The following PCDH11Y variants were observed in gnomAD, a reference collection of about 807,000 sequenced individuals.
PCDH11Y encodes the protein protocadherin 11 Y-linked.
For missense variants in PCDH11Y, 12 were observed against 224.8 expected, an observed-to-expected ratio of 0.05 and a Z score of 6.05; for synonymous variants, 9 against 83.6, an observed-to-expected ratio of 0.11 and a Z score of 4.87.
chrY:5,254,300 C>A (rs1298245720), intron 2 of PCDH11Y, among the ~76,000 whole-genome samples: 1 of 33,306 alleles, frequency 3.0e-5, no homozygotes, highest in African/African-American at 1.2e-4. Flanking sequence ...CAAAATATTT[C>A]TAAAAATAAA....
chrY:5,111,397 CA>C (rs2052802495), intron 2 of PCDH11Y, among the ~76,000 whole-genome samples: 1 of 33,962 alleles, frequency 2.9e-5, no homozygotes, highest in African/African-American at 1.2e-4. Flanking sequence ...CGCACCTGGC[CA>C]AATAATTAGT....
At chrY:5,571,054 C>T in intron 3 of PCDH11Y, among the ~76,000 whole-genome samples, 1 of 31,237 alleles carries the variant, frequency 3.2e-5, no homozygotes, top group Admixed American at 3.0e-4. Flanking sequence ...ACTATACTTT[C>T]GTTTCAATTA....
At chrY:5,111,798 A>G in intron 2 of PCDH11Y, among the ~76,000 whole-genome samples, 1 of 34,558 alleles carries the variant, frequency 2.9e-5, no homozygotes, top group Non-Finnish European at 7.3e-5. Flanking sequence ...AATTAAAGAA[A>G]TGAGAGGGAA....
intron 2 of PCDH11Y, among the ~76,000 whole-genome samples, chrY:5,237,082 CA>C (rs2052976282): frequency 3.0e-5 from 1 of 33,049 alleles, no homozygotes; most frequent in African/African-American, 1.2e-4. Flanking sequence ...GTTCTTCTTG[CA>C]AGTATAAATG....
At chrY:5,507,104 T>A in intron 3 of PCDH11Y, among the ~76,000 whole-genome samples, 1 of 32,480 alleles carries the variant, frequency 3.1e-5, no homozygotes, top group Non-Finnish European at 7.7e-5. Context: ...AGTTCAGCCA[T>A]CTGCCATTGT....
At chrY:5,277,697 A>T (rs2053045997) in intron 2 of PCDH11Y, among the ~76,000 whole-genome samples, 1 of 33,668 alleles carries the variant, frequency 3.0e-5, no homozygotes, top group South Asian at 6.5e-4. Context: ...TATTTAAGTT[A>T]TCATATAAAT....
At chrY:5,046,834 G>A (rs1215339973) in intron 3 of PCDH11Y, among the ~76,000 whole-genome samples, 1 of 33,535 alleles carries the variant, frequency 3.0e-5, no homozygotes, top group Non-Finnish European at 7.4e-5. Context: ...TTTTAAGCCC[G>A]TCGGAAAAGC....
chrY:5,677,470 GT>G (rs2053554560), intron 4 of PCDH11Y, among the ~76,000 whole-genome samples: 95 of 32,083 alleles, frequency 3.0e-3, no homozygotes, highest in Non-Finnish European at 4.3e-3. Context: ...AGGTTGAGTT[GT>G]TTTTTTCCCT....
At chrY:5,123,891 G>T in intron 2 of PCDH11Y, among the ~76,000 whole-genome samples, 1 of 33,085 alleles carries the variant, frequency 3.0e-5, no homozygotes, top group Non-Finnish European at 7.4e-5. Context: ...ACTGGTTTCA[G>T]AATACATACT....
At chrY:5,008,231 C>T in intron 1 of PCDH11Y, among the ~76,000 whole-genome samples, 1 of 29,880 alleles carries the variant, frequency 3.3e-5, no homozygotes, top group Non-Finnish European at 8.0e-5. Context: ...TTTTTTAGAA[C>T]ACCTGTATTT....
At chrY:5,294,331 A>G in intron 2 of PCDH11Y, among the ~76,000 whole-genome samples, 2 of 33,065 alleles carry the variant, frequency 6.0e-5, no homozygotes, top group East Asian at 8.1e-4. Context: ...ATTTTGACTC[A>G]TTACAACCTC....
chrY:5,710,183 T>G, intron 4 of PCDH11Y, among the ~76,000 whole-genome samples: 1 of 33,419 alleles, frequency 3.0e-5, no homozygotes, highest in African/African-American at 1.2e-4. Flanking sequence ...GGTTTCCCCA[T>G]GCAGCCCATT....
At chrY:5,312,530 TTA>T (rs2053102163) in intron 2 of PCDH11Y, among the ~76,000 whole-genome samples, 1 of 26,767 alleles carries the variant, frequency 3.7e-5, no homozygotes, top group African/African-American at 1.4e-4. Context: ...TATATATTTC[TTA>T]TATATATAAG....
At chrY:5,245,788 A>G (rs1602892782) in intron 2 of PCDH11Y, among the ~76,000 whole-genome samples, 1 of 33,215 alleles carries the variant, frequency 3.0e-5, no homozygotes, top group Admixed American at 2.8e-4. Flanking sequence ...GCACTGAGCT[A>G]AAGGAGCATT....
At chrY:5,276,666 C>A in intron 2 of PCDH11Y, among the ~76,000 whole-genome samples, 1 of 32,777 alleles carries the variant, frequency 3.1e-5, no homozygotes, top group Non-Finnish European at 7.5e-5. Context: ...TTCTTATCCC[C>A]ATAGCAACTC....
chrY:5,548,102 C>T, intron 3 of PCDH11Y, among the ~76,000 whole-genome samples: 1 of 32,920 alleles, frequency 3.0e-5, no homozygotes, highest in Admixed American at 2.8e-4. Context: ...CCATGAATGA[C>T]TGCATCAGTT....
chrY:5,407,852 T>C, intron 2 of PCDH11Y, among the ~76,000 whole-genome samples: 2 of 26,030 alleles, frequency 7.7e-5, no homozygotes, highest in Non-Finnish European at 1.7e-4. Flanking sequence ...GGGCGGAGCT[T>C]GCAGTGAGCC....
At chrY:5,168,892 A>G in intron 2 of PCDH11Y, among the ~76,000 whole-genome samples, 1 of 28,752 alleles carries the variant, frequency 3.5e-5, no homozygotes, top group Non-Finnish European at 8.3e-5. Flanking sequence ...AAAGACTACA[A>G]TTTTATGAAA....
chrY:5,380,625 C>T, intron 2 of PCDH11Y, among the ~76,000 whole-genome samples: 4 of 25,682 alleles, frequency 1.6e-4, no homozygotes, highest in Non-Finnish European at 2.7e-4. Flanking sequence ...CTCGCTCTGT[C>T]ACCCAGGCTG....
Sources: gnomAD v4.1 joint callset for allele counts (sites outside exome capture counted in the v4.1 genomes callset) on GRCh38, gnomAD v4.1.1 for gene constraint, MANE v1.5 for transcripts, NCBI Gene and HGNC (gene_info 2026-07-23, HGNC 2026-07-21) for gene names.